Variants in AVEN observed in about 807,000 individuals in gnomAD.
AVEN encodes the protein cell death regulator Aven.
A neutral mutation model predicts 38.1 loss-of-function variants in AVEN; 41 were observed. The ratio of observed to expected loss-of-function variants is 1.08; its 90% CI spans 0.84 to 1.40. The LOEUF (loss-of-function observed/expected upper bound fraction) is 1.40. Ranked by LOEUF, AVEN falls within the 40% of genes most tolerant of loss-of-function variation. AVEN has a pLI of 0.00. For synonymous variants in AVEN, 206 were observed against 171.8 expected (o/e 1.20, Z -1.56); for missense variants, 605 against 438.8 (o/e 1.38, Z -3.38).
At chr15:33,955,421 T>C (rs588655) in intron 2 of AVEN, among the ~76,000 whole-genome samples, 39,812 of 152,124 alleles carry the variant, frequency 0.26, 6,646 homozygotes, top group Non-Finnish European at 0.36. Flanking sequence ...GCCCCTAATA[T>C]GTATAAATCT....
At chr15:34,006,129 G>A (rs550997941) in intron 1 of AVEN, among the ~76,000 whole-genome samples, 1 of 152,252 alleles carries the variant, frequency 6.6e-6, no homozygotes, top group Admixed American at 6.5e-5. Context: ...GGCTAACATG[G>A]TGAAACCCCA....
At chr15:33,874,971 A>G (rs16958170) in intron 3 of AVEN, among the ~76,000 whole-genome samples, 5,944 of 152,310 alleles carry the variant, frequency 0.039, 337 homozygotes, top group South Asian at 0.12. Flanking sequence ...AAAGACAAAT[A>G]TTTGTAATTC....
At chr15:34,064,394 T>C (rs868683132) in intron 4 of AVEN, 1 of 1,450,872 alleles carries the variant, frequency 6.9e-7, no homozygotes, top group Non-Finnish European at 9.1e-7. Flanking sequence ...TTCTGGTTTG[T>C]ATATTTTCAA....
Position 34,070,891 on chromosome 15 carries a change from G to A in AVEN, n.721-240C>T, listed in dbSNP as rs540513335. ...TGTGCATGAGGTGGGATGGACGGGAGTTAAAACCTTAAATTTCTCTGTGAT... is the reference window on the plus strand; with the variant it reads ...TGTGCATGAGGTGGGATGGACGGGAATTAAAACCTTAAATTTCTCTGTGAT... On this transcript the variant is annotated intron_variant and non_coding_transcript_variant, in intron 1 of 11. Transcript: ENST00000675287. 2.1e-3 allele frequency among the ~76,000 whole-genome samples: 325 copies of A among 152,318 alleles called. 1 individual carries two copies. Among genetic ancestry groups the A allele is most frequent in the African/African-American group, 7.4e-3 (306 of 41,576 alleles).
At chr15:33,980,893 C>T (rs1389092841) in intron 2 of AVEN, among the ~76,000 whole-genome samples, 2 of 152,168 alleles carry the variant, frequency 1.3e-5, no homozygotes, top group African/African-American at 4.8e-5. Flanking sequence ...CTAAATGTAG[C>T]CTGCCCTAAA....
In AVEN at chr15:33,866,605, T is replaced by TCCCCTTTTTAGGAAATCATGCTGTCCAA; in HGVS notation, c.1069_*7dup. On this transcript the variant is annotated 3_prime_UTR_variant, in exon 6 of 6. Coordinates refer to ENST00000306730, the MANE Select transcript of AVEN (RefSeq NM_020371.3). ...CAAGATTTGCTTCAGGCACTTTTTTTCCCCTTTTTAGGAAATCATGCTGTC... is the reference window on the plus strand; with the variant it reads ...CAAGATTTGCTTCAGGCACTTTTTTTCCCCTTTTTAGGAAATCATGCTGTCCAACCCCTTTTTAGGAAATCATGCTGTC... 6.2e-7 allele frequency: 1 copy of TCCCCTTTTTAGGAAATCATGCTGTCCAA among 1,609,688 alleles called. No homozygotes were observed. The highest frequency in any genetic ancestry group is 8.5e-7 in the Non-Finnish European group (1 of 1,176,508).
At chr15:33,854,793 A>G, downstream of AVEN, 1 of 1,612,716 alleles carries the variant, frequency 6.2e-7, no homozygotes. Flanking sequence ...CTGGTATACA[A>G]CCATGTCAGT....
At chr15:33,956,208 C>T (rs962419988) in intron 2 of AVEN, among the ~76,000 whole-genome samples, 3 of 152,144 alleles carry the variant, frequency 2.0e-5, no homozygotes, top group South Asian at 4.1e-4. Flanking sequence ...AAAGTCAACA[C>T]GCCTGCCCCT....
intron 2 of AVEN, among the ~76,000 whole-genome samples, chr15:33,927,975 G>A (rs1313140823): frequency 6.6e-6 from 1 of 152,206 alleles, no homozygotes; most frequent in Non-Finnish European, 1.5e-5. Flanking sequence ...ACAGGCTGGA[G>A]AGCTTACTGT....
intron 2 of AVEN, among the ~76,000 whole-genome samples, chr15:33,942,499 G>T (rs1894354805): frequency 6.6e-6 from 1 of 151,698 alleles, no homozygotes; most frequent in South Asian, 2.1e-4. Flanking sequence ...TGCCCAGGCT[G>T]GAGTGCAGTG....
At chr15:33,972,503 A>AATAAACAAAAAC (rs1555511830) in intron 2 of AVEN, 4 of 151,628 alleles carry the variant, frequency 2.6e-5, no homozygotes, top group Non-Finnish European at 5.9e-5. Context: ...TGGATTTGTT[A>AATAAACAAAAAC]AAAAACAAAA....
At chr15:33,917,420 C>G (rs1893184790) in intron 2 of AVEN, among the ~76,000 whole-genome samples, 1 of 147,990 alleles carries the variant, frequency 6.8e-6, no homozygotes, top group African/African-American at 2.5e-5. Flanking sequence ...TATATATATA[C>G]ACACACTATA....
chr15:34,054,355 T>C (rs1174734801), intron 5 of AVEN, among the ~76,000 whole-genome samples: 2 of 152,158 alleles, frequency 1.3e-5, no homozygotes, highest in Non-Finnish European at 2.9e-5. Context: ...TATAAATCAT[T>C]CTATCATAAA....
chr15:33,981,403 A>G (rs533084434), intron 2 of AVEN, among the ~76,000 whole-genome samples: 1 of 149,070 alleles, frequency 6.7e-6, no homozygotes, highest in Admixed American at 6.9e-5. Flanking sequence ...TATTGCTCCC[A>G]TTGTCATGAC....
intron 1 of AVEN, among the ~76,000 whole-genome samples, chr15:34,032,962 T>C (rs918490436): frequency 2.6e-5 from 4 of 152,230 alleles, no homozygotes; most frequent in Admixed American, 2.0e-4. Flanking sequence ...ACTTTAAAAA[T>C]AACTTTTTGG....
chr15:33,948,897 T>C (rs1894611626), intron 2 of AVEN, among the ~76,000 whole-genome samples: 2 of 152,046 alleles, frequency 1.3e-5, no homozygotes, highest in Admixed American at 1.3e-4. Flanking sequence ...GGTCTCAAAC[T>C]CCTGACCTCA....
intron 2 of AVEN, among the ~76,000 whole-genome samples, chr15:33,931,912 T>A (rs969907671): frequency 1.3e-5 from 2 of 152,116 alleles, no homozygotes; most frequent in African/African-American, 4.8e-5. Context: ...GAGACAGAGA[T>A]GAGAGAAAGA....
intron 2 of AVEN, among the ~76,000 whole-genome samples, chr15:33,925,815 A>G (rs1893586386): frequency 6.6e-6 from 1 of 152,188 alleles, no homozygotes; most frequent in South Asian, 2.1e-4. Context: ...TTATAATTAT[A>G]TTTTATTTAC....
chr15:33,860,719 T>A, intron 11 of AVEN: 1 of 1,249,346 alleles, frequency 8.0e-7, no homozygotes. Context: ...AGCAAATAGA[T>A]TTTTTAAACA....
Sources: allele counts gnomAD v4.1 joint callset (sites outside exome capture counted in the v4.1 genomes callset), GRCh38; gene constraint gnomAD v4.1.1; transcripts MANE v1.5; gene names NCBI Gene and HGNC (gene_info 2026-07-23, HGNC 2026-07-21).